Variants in RBFOX1 observed in about 807,000 individuals in gnomAD.
RBFOX1 encodes the protein RNA binding fox-1 homolog 1, also known as RNA binding protein fox-1 homolog 1.
Under a neutral mutation model 57.7 loss-of-function variants are expected in RBFOX1, and 8 were observed. That is an observed-to-expected ratio of 0.14 (90% CI 0.08 to 0.25). The LOEUF (loss-of-function observed/expected upper bound fraction) is 0.25. RBFOX1 is among the 10% of genes least tolerant of loss of function. The pLI is 1.00. For missense variants in RBFOX1, 611 were observed against 548.5 expected, an observed-to-expected ratio of 1.11 and a Z score of -1.14; for synonymous variants, 326 against 222.4, an observed-to-expected ratio of 1.47 and a Z score of -4.15.
intron 4 of RBFOX1, among the ~76,000 whole-genome samples, chr16:7,052,937 A>G (rs539146304): frequency 2.4e-4 from 37 of 152,308 alleles, no homozygotes; most frequent in African/African-American, 8.7e-4. Flanking sequence ...CATGTTTTCA[A>G]ATTGTTATAA....
intron 3 of RBFOX1, among the ~76,000 whole-genome samples, chr16:5,830,118 A>G (rs372919875): frequency 8.4e-4 from 128 of 152,278 alleles, no homozygotes; most frequent in Middle Eastern, 3.4e-3. Context: ...GTGGGCTGCA[A>G]TGCTCATTTG....
chr16:6,436,594 A>G (rs910655219), intron 2 of RBFOX1, among the ~76,000 whole-genome samples: 2 of 151,022 alleles, frequency 1.3e-5, no homozygotes, highest in South Asian at 2.1e-4. Context: ...CTGGGGGGAA[A>G]AATTACCACC....
At chr16:7,003,074 A>C (rs1338982466) in intron 3 of RBFOX1, among the ~76,000 whole-genome samples, 4 of 151,930 alleles carry the variant, frequency 2.6e-5, no homozygotes, top group Non-Finnish European at 5.9e-5. Context: ...GAGGTTATAC[A>C]ATCAGGCCAT....
intron 10 of RBFOX1, among the ~76,000 whole-genome samples, chr16:7,629,645 C>T (rs2060623268): frequency 6.6e-6 from 1 of 152,200 alleles, no homozygotes. Context: ...CACTGATACC[C>T]TGACAATTCC....
At chr16:5,938,537 A>T (rs1295329231) in intron 4 of RBFOX1, among the ~76,000 whole-genome samples, 1 of 152,150 alleles carries the variant, frequency 6.6e-6, no homozygotes, top group Non-Finnish European at 1.5e-5. Flanking sequence ...AACCAGGGAA[A>T]CTCTACAACC....
intron 4 of RBFOX1, among the ~76,000 whole-genome samples, chr16:7,354,348 G>A (rs2097178217): frequency 6.6e-6 from 1 of 152,180 alleles, no homozygotes; most frequent in Non-Finnish European, 1.5e-5. Context: ...ACAAAGCAAT[G>A]TCATCAAATT....
At chr16:6,177,480 A>G (rs2097021454) in intron 1 of RBFOX1, among the ~76,000 whole-genome samples, 1 of 152,142 alleles carries the variant, frequency 6.6e-6, no homozygotes, top group South Asian at 2.1e-4. Flanking sequence ...GAAAGGCTTA[A>G]TAATTTTCAT....
intron 1 of RBFOX1, among the ~76,000 whole-genome samples, chr16:5,454,220 G>A (rs1315842640): frequency 2.0e-5 from 3 of 152,162 alleles, no homozygotes; most frequent in South Asian, 2.1e-4. Flanking sequence ...ATCTCTGGCC[G>A]AAGTCCTTCA....
At chr16:7,273,768 C>T (rs1368075573) in intron 4 of RBFOX1, among the ~76,000 whole-genome samples, 1 of 152,160 alleles carries the variant, frequency 6.6e-6, no homozygotes, top group East Asian at 1.9e-4. Context: ...AAGATATTTG[C>T]CATACCCATT....
intron 1 of RBFOX1, among the ~76,000 whole-genome samples, chr16:5,279,228 C>G (rs2063213207): frequency 6.6e-6 from 1 of 152,008 alleles, no homozygotes; most frequent in South Asian, 2.1e-4. Context: ...AGATGCTTTT[C>G]CATTTGTTTG....
intron 3 of RBFOX1, among the ~76,000 whole-genome samples, chr16:6,780,189 A>ATATATT (rs2080514440): frequency 3.8e-5 from 1 of 26,360 alleles, no homozygotes; most frequent in Non-Finnish European, 5.1e-5. Context: ...TTATATATAT[A>ATATATT]TTTATATATT....
chr16:7,427,911 C>G (rs2098637581), intron 4 of RBFOX1, among the ~76,000 whole-genome samples: 1 of 152,168 alleles, frequency 6.6e-6, no homozygotes, highest in Non-Finnish European at 1.5e-5. Context: ...GCCTTGGCCT[C>G]CTAAAGTGCT....
At chr16:6,364,786 A>C (rs546963464) in intron 2 of RBFOX1, among the ~76,000 whole-genome samples, 1 of 152,328 alleles carries the variant, frequency 6.6e-6, no homozygotes, top group African/African-American at 2.4e-5. Flanking sequence ...TGGGTGGAAA[A>C]GTTGACCTTT....
Position 5,704,185 on chromosome 16 carries a change from C to G in RBFOX1, c.318+105224C>G, listed in dbSNP as rs182035503. On this transcript the variant is annotated intron_variant, in intron 3 of 19. Transcript: ENST00000641259. Reference sequence around the variant, plus strand: ...TCCCAAATGCAGAGACATTTAGTACCCAGATGGAGGAGGACAGGAATCACA... The same window carrying G: ...TCCCAAATGCAGAGACATTTAGTACGCAGATGGAGGAGGACAGGAATCACA... 1.4e-3 allele frequency among the ~76,000 whole-genome samples: 220 copies of G among 152,178 alleles called. 1 individual carries two copies. Among genetic ancestry groups the G allele is most frequent in the Middle Eastern group, 3.4e-3 (1 of 294 alleles).
intron 1 of RBFOX1, among the ~76,000 whole-genome samples, chr16:6,274,271 A>G (rs1376421026): frequency 2.0e-5 from 3 of 152,204 alleles, no homozygotes; most frequent in South Asian, 4.1e-4. Context: ...AGCTTTATTC[A>G]TAATAGATAG....
rs1487521994 is a variant in RBFOX1 at position 7,587,248 on chromosome 16, A to G, written c.416A>G (p.Gln139Arg). 1.3e-6 allele frequency: 2 copies of G among 1,568,572 alleles called. No homozygotes were observed. The highest frequency in any genetic ancestry group is 1.7e-6 in the Non-Finnish European group (2 of 1,157,744). Residue 139 changes from glutamine to arginine, a missense_variant and splice_region_variant, in exon 7 of 16, where the codon CAA becomes CGA. Transcript: ENST00000550418. The part of the protein sequence containing the change: ...RDPDLRQMFG[Q>R]FGKILDVEII... ...TAAGATATTTCTATTTCTTTGCAGC[A>G]ATTTGGTAAAATCTTAGATGTTGAA...
chr16:6,564,881 C>G (rs1040060739), intron 2 of RBFOX1, among the ~76,000 whole-genome samples: 1 of 152,116 alleles, frequency 6.6e-6, no homozygotes, highest in Non-Finnish European at 1.5e-5. Flanking sequence ...TGGCTCATGT[C>G]TGTAATCCCA....
chr16:5,710,222 A>G (rs374814405), intron 3 of RBFOX1, among the ~76,000 whole-genome samples: 9 of 152,102 alleles, frequency 5.9e-5, no homozygotes, highest in Non-Finnish European at 1.3e-4. Flanking sequence ...CACTTTGCAG[A>G]TGTTGAAACT....
At chr16:6,181,978 T>A (rs2097066907) in intron 1 of RBFOX1, among the ~76,000 whole-genome samples, 1 of 152,178 alleles carries the variant, frequency 6.6e-6, no homozygotes. Context: ...CAGAAAGCAT[T>A]TTATATCATT....
Sources: gnomAD v4.1 joint callset for allele counts (sites outside exome capture counted in the v4.1 genomes callset) on GRCh38, gnomAD v4.1.1 for gene constraint, MANE v1.5 for transcripts, NCBI Gene and HGNC (gene_info 2026-07-23, HGNC 2026-07-21) for gene names.